The following HNF4G variants were observed in gnomAD, a reference collection of about 807,000 sequenced individuals.
HNF4G encodes hepatocyte nuclear factor 4 gamma.
A neutral mutation model predicts 50.9 loss-of-function variants in HNF4G; 21 were observed. That is an observed-to-expected ratio of 0.41 (90% confidence interval 0.29 to 0.59). The LOEUF (loss-of-function observed/expected upper bound fraction) is 0.59. Among genes scored for constraint, HNF4G ranks in the 20% least tolerant of loss-of-function variants. HNF4G has a pLI of 0.26. For synonymous variants in HNF4G, 198 were observed against 185.6 expected, an observed-to-expected ratio of 1.07 and a Z score of -0.54; for missense variants, 527 against 559.4, an observed-to-expected ratio of 0.94 and a Z score of 0.58.
intron 1 of HNF4G, among the ~76,000 whole-genome samples, chr8:75,468,450 C>T (rs920998822): frequency 6.6e-6 from 1 of 152,124 alleles, no homozygotes; most frequent in Non-Finnish European, 1.5e-5. Context: ...AATCCCAGCA[C>T]TTTGGGAGGC....
chr8:75,521,348 C>T (rs878088), intron 2 of HNF4G, among the ~76,000 whole-genome samples: 8 of 152,062 alleles, frequency 5.3e-5, no homozygotes, highest in South Asian at 2.1e-4. Flanking sequence ...TTTTACAGTG[C>T]GACACAAGCA....
chr8:75,534,492 A>G (rs995601910), intron 2 of HNF4G, among the ~76,000 whole-genome samples: 2 of 151,824 alleles, frequency 1.3e-5, no homozygotes, highest in South Asian at 4.1e-4. Flanking sequence ...GTCTATCCTA[A>G]CAGTAACTGA....
chr8:75,432,686 C>T (rs1811042629), intron 1 of HNF4G, among the ~76,000 whole-genome samples: 2 of 152,128 alleles, frequency 1.3e-5, no homozygotes, highest in South Asian at 4.1e-4. Context: ...AGATGCCACC[C>T]AGCGATCCTT....
chr8:75,553,266 C>A, intron 5 of HNF4G, 69 bp downstream of exon 5: 1 of 1,331,452 alleles, frequency 7.5e-7, no homozygotes. Context: ...ATGTTCTTTC[C>A]ATATTATTTG....
intron 1 of HNF4G, among the ~76,000 whole-genome samples, chr8:75,425,819 C>T (rs1349542297): frequency 6.6e-6 from 1 of 151,984 alleles, no homozygotes; most frequent in East Asian, 1.9e-4. Flanking sequence ...TTGGGTTTCC[C>T]GTTTTAGGCT....
Position 75,448,847 on chromosome 8 carries a change from T to G in HNF4G, c.-144+40685T>G, listed in dbSNP as rs192179130. On this transcript the variant is annotated intron_variant, in intron 1 of 10. Coordinates refer to the HNF4G transcript ENST00000354370. ...AAAAATACATAGGACTATATCAGAA[T>G]TATACAAATCAAGCAACCTGTTGAC... 2.0e-3 allele frequency among the ~76,000 whole-genome samples: 304 copies of G among 152,282 alleles called. 1 individual carries two copies. The highest frequency in any genetic ancestry group is 7.0e-3 in the African/African-American group (291 of 41,574).
At position 75,527,786 on chromosome 8, in the gene HNF4G, TGTGA is replaced by T. The variant is rs536937193; in HGVS notation, c.-23-16024_-23-16021del. Among the ~76,000 whole-genome samples, 209 of 152,320 alleles carry T rather than the reference TGTGA, an allele frequency of 1.4e-3. 1 individual carries two copies. Among genetic ancestry groups the T allele is most frequent in the African/African-American group, 4.4e-3 (182 of 41,574 alleles). ...TAGATATATGAGATCTTTCAGTTAT[TGTGA>T]TTGACTCATTTATAAAATGTATCTT... is the stretch of plus-strand genomic sequence containing the variant. On this transcript the variant is annotated intron_variant, in intron 2 of 10. Coordinates refer to the HNF4G transcript ENST00000354370.
At chr8:75,516,032 G>A (rs1416850140) in intron 2 of HNF4G, among the ~76,000 whole-genome samples, 2 of 152,134 alleles carry the variant, frequency 1.3e-5, no homozygotes, top group African/African-American at 4.8e-5. Flanking sequence ...CCAAAGTGCC[G>A]GGATTACAGG....
chr8:75,546,795 C>A (rs1806793954), intron 2 of HNF4G, among the ~76,000 whole-genome samples: 1 of 152,074 alleles, frequency 6.6e-6, no homozygotes, highest in African/African-American at 2.4e-5. Flanking sequence ...GGATATATCT[C>A]CACTTTTGGG....
chr8:75,542,701 G>A (rs1317026705), intron 1 of HNF4G, among the ~76,000 whole-genome samples: 4 of 152,038 alleles, frequency 2.6e-5, no homozygotes, highest in Admixed American at 1.3e-4. Flanking sequence ...ATCTGGTTAC[G>A]ACAGGGTTGG....
intron 1 of HNF4G, among the ~76,000 whole-genome samples, chr8:75,487,294 C>A (rs1049283763): frequency 6.6e-6 from 1 of 151,828 alleles, no homozygotes; most frequent in Non-Finnish European, 1.5e-5. Flanking sequence ...GTTTAACATG[C>A]CGTTGGCTCT....
At chr8:75,419,024 C>A (rs1439752553) in intron 1 of HNF4G, among the ~76,000 whole-genome samples, 1 of 152,096 alleles carries the variant, frequency 6.6e-6, no homozygotes, top group Non-Finnish European at 1.5e-5. Context: ...ACTGCACCTG[C>A]CTGTGATAAG....
intron 2 of HNF4G, among the ~76,000 whole-genome samples, chr8:75,526,766 A>G (rs1485619124): frequency 8.1e-6 from 1 of 123,904 alleles, no homozygotes; most frequent in Non-Finnish European, 1.8e-5. Flanking sequence ...GTTAACAAGC[A>G]TTCTTTTTTT....
intron 1 of HNF4G, among the ~76,000 whole-genome samples, chr8:75,418,350 A>T (rs1220311195): frequency 2.6e-5 from 4 of 152,142 alleles, no homozygotes; most frequent in Non-Finnish European, 4.4e-5. Flanking sequence ...TTTGGGAGGG[A>T]CACACAGTTC....
chr8:75,510,119 C>A (rs1805711563), intron 2 of HNF4G, among the ~76,000 whole-genome samples: 1 of 151,958 alleles, frequency 6.6e-6, no homozygotes, highest in Admixed American at 6.6e-5. Context: ...ATTATCCTAA[C>A]CCTGTGTAGG....
intron 2 of HNF4G, among the ~76,000 whole-genome samples, chr8:75,513,245 C>T (rs1805805540): frequency 6.6e-6 from 1 of 152,096 alleles, no homozygotes; most frequent in African/African-American, 2.4e-5. Context: ...ACCACGTTGG[C>T]CAGGCTAGTC....
intron 8 of HNF4G, 145 bp from the exon 9 acceptor site, chr8:75,560,199 G>A (rs112722691): frequency 8.7e-5 from 59 of 681,204 alleles, no homozygotes; most frequent in African/African-American, 8.4e-4. Context: ...ATATGCCAGT[G>A]GTTCTGTCAA....
chr8:75,552,893 C>T, intron 4 of HNF4G, 149 bp from the exon 5 acceptor site: 1 of 522,040 alleles, frequency 1.9e-6, no homozygotes, highest in Non-Finnish European at 3.4e-6. Context: ...TTTCATTTTT[C>T]AATTTAAAAT....
chr8:75,446,915 G>A (rs916584123), intron 1 of HNF4G, among the ~76,000 whole-genome samples: 1 of 125,668 alleles, frequency 8.0e-6, no homozygotes, highest in Non-Finnish European at 1.6e-5. Flanking sequence ...TTTCTTCACA[G>A]AATTGGAAAA....
Sources: allele counts gnomAD v4.1 joint callset (sites outside exome capture counted in the v4.1 genomes callset), GRCh38; gene constraint gnomAD v4.1.1; transcripts MANE v1.5; gene names NCBI Gene and HGNC (gene_info 2026-07-23, HGNC 2026-07-21).